Variants in DENND4C observed in about 807,000 individuals in gnomAD.
DENND4C encodes DENN domain-containing protein 4C.
Under a neutral mutation model 203.0 loss-of-function variants are expected in DENND4C, and 108 were observed. That is an observed-to-expected ratio of 0.53 (90% CI 0.46 to 0.62). The LOEUF is 0.62. DENND4C is among the 20% of genes least tolerant of loss of function. The pLI, the probability that DENND4C is intolerant of heterozygous loss-of-function variation, is 0.00. For missense variants in DENND4C, 2,481 were observed against 2,301.2 expected, an observed-to-expected ratio of 1.08 and a Z score of -1.60; for synonymous variants, 871 against 792.4, an observed-to-expected ratio of 1.10 and a Z score of -1.67.
In DENND4C at chr9:19,242,387, G is replaced by A. The variant is rs1032236928; in HGVS notation, c.-18+11554G>A. ...ATAAAGCTGCTTATAATCATTGTGT[G>A]CAGGTTTTGTGTAACTATAAGTTTT... is the stretch of plus-strand genomic sequence containing the variant. On this transcript the variant is annotated intron_variant, in intron 1 of 32. Coordinates refer to ENST00000434457, the MANE Select transcript of DENND4C (RefSeq NM_001330640.2). 3.3e-5 allele frequency among the ~76,000 whole-genome samples: 5 copies of A among 152,206 alleles called. No individual in the cohort carries two copies. The East Asian group carries it at 7.7e-4, about 23-fold the overall frequency.
intron 10 of DENND4C, among the ~76,000 whole-genome samples, chr9:19,307,885 T>C (rs1426914381): frequency 1.3e-5 from 2 of 152,026 alleles, no homozygotes; most frequent in Non-Finnish European, 2.9e-5. Flanking sequence ...ACCATCATCT[T>C]GGATAAACTC....
chr9:19,296,093 C>A lies in DENND4C; in HGVS notation c.887C>A (p.Thr296Lys). Residue 296 changes from threonine (T) to lysine (K), a missense_variant, in exon 6 of 33, where the codon ACG becomes AAG. This residue lies in a region of DENND4C where 2,289 missense variants were observed against 2,113.3 expected (regional missense o/e 1.08). Transcript: ENST00000434457. ...CAGCTTATGCACCTGGGCTTGTTGA[C>A]GCCTGTGGAGAGAAAAATGGTCTCC... ...EKQLMHLGLL[T>K]PVERKMVSKS... is the part of the protein sequence containing the mutation. 1.2e-6 allele frequency: 2 copies of A among 1,613,976 alleles called. No individual in the cohort carries two copies. Among genetic ancestry groups the A allele is most frequent in the Non-Finnish European group, 1.7e-6 (2 of 1,179,976 alleles).
chr9:19,308,419 A>G (rs552912360), intron 10 of DENND4C, among the ~76,000 whole-genome samples: 2 of 152,318 alleles, frequency 1.3e-5, no homozygotes, highest in South Asian at 4.1e-4. Flanking sequence ...CTTTATTAGT[A>G]GCAAATGGAG....
intron 2 of DENND4C, among the ~76,000 whole-genome samples, chr9:19,281,303 C>T (rs2130997779): frequency 6.6e-6 from 1 of 152,228 alleles, no homozygotes; most frequent in South Asian, 2.1e-4. Flanking sequence ...TGTCCTTAAG[C>T]TAATCATGAT....
At chr9:19,283,512 C>G (rs1834543750) in intron 2 of DENND4C, among the ~76,000 whole-genome samples, 1 of 151,746 alleles carries the variant, frequency 6.6e-6, no homozygotes, top group African/African-American at 2.4e-5. Context: ...TATATGCAGT[C>G]TGTGCTTGCA....
chr9:19,317,358 A>G (rs1842032338), intron 12 of DENND4C, among the ~76,000 whole-genome samples: 1 of 152,046 alleles, frequency 6.6e-6, no homozygotes, highest in Non-Finnish European at 1.5e-5. Flanking sequence ...AGTTTGTGCA[A>G]TGAGGGCACT....
intron 24 of DENND4C, among the ~76,000 whole-genome samples, chr9:19,351,741 A>C (rs1824169047): frequency 6.6e-6 from 1 of 151,118 alleles, no homozygotes; most frequent in Non-Finnish European, 1.5e-5. Flanking sequence ...TGGGAGGCAG[A>C]GGTTGCAGTG....
At chr9:19,275,290 T>C (rs1832662724) in intron 1 of DENND4C, among the ~76,000 whole-genome samples, 1 of 105,620 alleles carries the variant, frequency 9.5e-6, no homozygotes, top group Non-Finnish European at 1.8e-5. Flanking sequence ...TTTTTTTTTT[T>C]TCTTTCTCTT....
Position 19,276,165 on chromosome 9 carries a change from A to G in DENND4C, c.-10A>G. ...TTCCCCTCCCTCTTCTAGAAAATAC[A>G]GTAGCAGCCATGATAGAAGACAAAG... On this transcript the variant is annotated 5_prime_UTR_variant, in exon 2 of 33. Transcript: ENST00000434457. The G allele has an allele frequency of 1.6e-6, 2 of 1,231,068 alleles. No individual in the cohort carries two copies. Among genetic ancestry groups the G allele is most frequent in the Non-Finnish European group, 2.0e-6 (2 of 986,982 alleles). The allele number at this position is 1,231,068 out of a possible 1,614,324, so 76.3% of individuals were successfully genotyped here.
At chr9:19,304,853 AT>A (rs1373235451) in intron 9 of DENND4C, among the ~76,000 whole-genome samples, 3 of 149,270 alleles carry the variant, frequency 2.0e-5, no homozygotes, top group Admixed American at 6.7e-5. Flanking sequence ...CCGGCCATGA[AT>A]TTTTTTTTGT....
intron 23 of DENND4C, among the ~76,000 whole-genome samples, chr9:19,348,596 GA>G (rs1035172060): frequency 1.9e-4 from 29 of 151,588 alleles, no homozygotes; most frequent in South Asian, 4.2e-4. Context: ...AGAGACGTGG[GA>G]AAAAAAATTA....
intron 12 of DENND4C, among the ~76,000 whole-genome samples, chr9:19,322,998 G>A (rs1588918787): frequency 6.6e-6 from 1 of 152,080 alleles, no homozygotes; most frequent in Non-Finnish European, 1.5e-5. Context: ...ATGGAGCATA[G>A]GATCACTGAA....
chr9:19,301,468 G>C (rs1838563469), intron 9 of DENND4C, among the ~76,000 whole-genome samples: 1 of 152,156 alleles, frequency 6.6e-6, no homozygotes, highest in Non-Finnish European at 1.5e-5. Flanking sequence ...ATGTCTCCAA[G>C]ATCTTAATCT....
intron 7 of DENND4C, among the ~76,000 whole-genome samples, chr9:19,298,975 A>G (rs1265951498): frequency 6.6e-6 from 1 of 152,156 alleles, no homozygotes; most frequent in Non-Finnish European, 1.5e-5. Flanking sequence ...ATTGTACTTT[A>G]ACCAATTAAG....
chr9:19,240,956 A>T (rs1779959769), intron 1 of DENND4C, among the ~76,000 whole-genome samples: 1 of 152,160 alleles, frequency 6.6e-6, no homozygotes, highest in Non-Finnish European at 1.5e-5. Flanking sequence ...GAGTGACAGA[A>T]CACAACAGAA....
chr9:19,340,918 T>A, intron 20 of DENND4C, 74 bp from the exon 21 acceptor site: 1 of 1,233,992 alleles, frequency 8.1e-7, no homozygotes, highest in Non-Finnish European at 1.0e-6. Context: ...TCAGTGGAAT[T>A]TTCTTGTGAT....
intron 1 of DENND4C, among the ~76,000 whole-genome samples, chr9:19,269,758 C>T (rs978404018): frequency 6.6e-6 from 1 of 152,094 alleles, no homozygotes; most frequent in Non-Finnish European, 1.5e-5. Context: ...GTCACTGGTG[C>T]CTCATTTAGT....
At chr9:19,247,847 C>A (rs891318897) in intron 1 of DENND4C, among the ~76,000 whole-genome samples, 3 of 152,200 alleles carry the variant, frequency 2.0e-5, no homozygotes, top group African/African-American at 7.2e-5. Flanking sequence ...ACTTAAGCCA[C>A]AAGCTGGAAA....
chr9:19,287,055 A>G (rs1312838934), intron 3 of DENND4C, 34 bp downstream of exon 3: 20 of 1,231,480 alleles, frequency 1.6e-5, no homozygotes, highest in Non-Finnish European at 2.0e-5. Flanking sequence ...AAAGTTTCAT[A>G]TGAAACCAAA....
Sources: gnomAD v4.1 joint callset for allele counts (sites outside exome capture counted in the v4.1 genomes callset) on GRCh38, gnomAD v4.1.1 for gene constraint, gnomAD v4.1.1 regional missense constraint, MANE v1.5 for transcripts, NCBI Gene and HGNC (gene_info 2026-07-23, HGNC 2026-07-21) for gene names.